The following DLG2 variants were observed in gnomAD, a reference collection of about 807,000 sequenced individuals.
DLG2 encodes the protein disks large homolog 2.
A neutral mutation model predicts 132.5 loss-of-function variants in DLG2; 45 were observed. That is an observed-to-expected ratio of 0.34 (90% CI 0.27 to 0.44). The LOEUF (loss-of-function observed/expected upper bound fraction) is 0.44. Among genes scored for constraint, DLG2 ranks in the 20% least tolerant of loss-of-function variants. The probability of loss-of-function intolerance (pLI) is 1.00; values close to 1 mark genes in which losing one functional copy is unlikely to be tolerated. For missense variants in DLG2, 1,045 were observed against 1,196.9 expected, an observed-to-expected ratio of 0.87 and a Z score of 1.87; for synonymous variants, 424 against 419.6, an observed-to-expected ratio of 1.01 and a Z score of -0.13.
At chr11:85,474,557 T>G (rs928754605) in intron 3 of DLG2, among the ~76,000 whole-genome samples, 3 of 151,904 alleles carry the variant, frequency 2.0e-5, no homozygotes, top group Non-Finnish European at 4.4e-5. Flanking sequence ...ACCCAGCCTA[T>G]GAAATATATC....
At chr11:83,690,411 T>C (rs1168346792) in intron 18 of DLG2, among the ~76,000 whole-genome samples, 2 of 151,866 alleles carry the variant, frequency 1.3e-5, no homozygotes, top group African/African-American at 2.4e-5. Context: ...TTTTAATATA[T>C]ATTTTAATTA....
intron 6 of DLG2, among the ~76,000 whole-genome samples, chr11:84,772,422 A>T (rs919124819): frequency 1.3e-5 from 2 of 152,132 alleles, no homozygotes; most frequent in African/African-American, 4.8e-5. Context: ...TCTGGACATA[A>T]ATTTGACACT....
intron 3 of DLG2, among the ~76,000 whole-genome samples, chr11:85,563,029 A>C (rs935617043): frequency 6.6e-6 from 1 of 151,642 alleles, no homozygotes; most frequent in African/African-American, 2.4e-5. Context: ...ATTTATACTC[A>C]ATTCAATATT....
intron 6 of DLG2, among the ~76,000 whole-genome samples, chr11:84,796,358 G>A (rs950076784): frequency 1.2e-4 from 18 of 152,108 alleles, no homozygotes; most frequent in Non-Finnish European, 2.6e-4. Context: ...TCTATGTCTT[G>A]AAAAGTTGCA....
intron 18 of DLG2, among the ~76,000 whole-genome samples, chr11:83,751,838 A>G (rs2093329917): frequency 6.6e-6 from 1 of 152,266 alleles, no homozygotes; most frequent in Non-Finnish European, 1.5e-5. Context: ...AATGGGAACT[A>G]GAACACCAAT....
chr11:84,438,121 G>A (rs2099006537), intron 7 of DLG2, among the ~76,000 whole-genome samples: 1 of 152,196 alleles, frequency 6.6e-6, no homozygotes, highest in South Asian at 2.1e-4. Flanking sequence ...GGACTATCAG[G>A]GCTGTTAGGG....
At chr11:83,769,651 C>T (rs2094300118) in intron 18 of DLG2, among the ~76,000 whole-genome samples, 1 of 150,306 alleles carries the variant, frequency 6.7e-6, no homozygotes, top group Non-Finnish European at 1.5e-5. Flanking sequence ...GCAACCTTCT[C>T]TTTCCGGGGT....
At chr11:83,906,393 G>C (rs901865053) in intron 15 of DLG2, among the ~76,000 whole-genome samples, 1 of 151,054 alleles carries the variant, frequency 6.6e-6, no homozygotes, top group Non-Finnish European at 1.5e-5. Context: ...AATTAATAAA[G>C]ACATACATAC....
chr11:83,553,430 T>C (rs2142168627), intron 19 of DLG2, among the ~76,000 whole-genome samples: 1 of 151,724 alleles, frequency 6.6e-6, no homozygotes, highest in East Asian at 1.9e-4. Flanking sequence ...ATTAATGAAT[T>C]ATAGATGAAA....
At chr11:84,342,884 T>A (rs1201162574) in intron 7 of DLG2, among the ~76,000 whole-genome samples, 1 of 152,112 alleles carries the variant, frequency 6.6e-6, no homozygotes, top group African/African-American at 2.4e-5. Context: ...AATCAGGTAA[T>A]CCTGTGAATT....
At chr11:83,794,317 A>G (rs1244082359) in intron 17 of DLG2, among the ~76,000 whole-genome samples, 1 of 151,918 alleles carries the variant, frequency 6.6e-6, no homozygotes, top group African/African-American at 2.4e-5. Flanking sequence ...TCTATCCCTG[A>G]GGTTTGAGTT....
At chr11:85,559,537 T>TATA (rs1474986036) in intron 3 of DLG2, among the ~76,000 whole-genome samples, 1 of 151,542 alleles carries the variant, frequency 6.6e-6, no homozygotes, top group Non-Finnish European at 1.5e-5. Flanking sequence ...AATTTATATA[T>TATA]GTGCTATTCT....
chr11:85,491,063 G>C (rs1198646176), intron 3 of DLG2, among the ~76,000 whole-genome samples: 1 of 151,850 alleles, frequency 6.6e-6, no homozygotes, highest in Non-Finnish European at 1.5e-5. Flanking sequence ...ACAATAAGAA[G>C]ATAATACATT....
At chr11:85,057,820 C>T (rs1016638913) in intron 6 of DLG2, among the ~76,000 whole-genome samples, 53 of 151,516 alleles carry the variant, frequency 3.5e-4, no homozygotes, top group Non-Finnish European at 5.6e-4. Flanking sequence ...CAACACAATT[C>T]ACCACATTAA....
At chr11:85,434,328 G>A (rs191636512) in intron 3 of DLG2, among the ~76,000 whole-genome samples, 111 of 151,172 alleles carry the variant, frequency 7.3e-4, no homozygotes, top group African/African-American at 2.6e-3. Context: ...AGATGAGAAG[G>A]GAACTGAAGG....
At chr11:83,539,175 A>T (rs2095985870) in intron 20 of DLG2, among the ~76,000 whole-genome samples, 1 of 152,206 alleles carries the variant, frequency 6.6e-6, no homozygotes, top group South Asian at 2.1e-4. Flanking sequence ...TTTGTTCAAT[A>T]AAATTTATTC....
intron 8 of DLG2, among the ~76,000 whole-genome samples, chr11:84,177,126 A>G (rs1394142618): frequency 1.3e-5 from 2 of 152,124 alleles, no homozygotes; most frequent in Admixed American, 6.6e-5. Context: ...GGGAGAAGAG[A>G]TGGAAGAAAA....
At chr11:84,355,681 G>A (rs963511130) in intron 7 of DLG2, among the ~76,000 whole-genome samples, 1 of 152,076 alleles carries the variant, frequency 6.6e-6, no homozygotes, top group Non-Finnish European at 1.5e-5. Flanking sequence ...TAGAGCATGA[G>A]AAGAGGTAAG....
chr11:84,598,238 T>G (rs1202504768), intron 6 of DLG2, among the ~76,000 whole-genome samples: 4 of 152,174 alleles, frequency 2.6e-5, no homozygotes, highest in Non-Finnish European at 5.9e-5. Context: ...AACCACCAAC[T>G]AGTACTTGCA....
Sources: gnomAD v4.1 joint callset for allele counts (sites outside exome capture counted in the v4.1 genomes callset) on GRCh38, gnomAD v4.1.1 for gene constraint, MANE v1.5 for transcripts, NCBI Gene and HGNC (gene_info 2026-07-23, HGNC 2026-07-21) for gene names.